The following CTNNA2 variants were observed in gnomAD, a reference collection of about 807,000 sequenced individuals.
The protein encoded by CTNNA2 is catenin alpha 2.
In CTNNA2, 42 loss-of-function variants were observed where a neutral mutation model predicts 101.0. The ratio of observed to expected loss-of-function variants is 0.42; its 90% CI spans 0.32 to 0.54. The LOEUF is 0.54. Among genes scored for constraint, CTNNA2 ranks in the 20% least tolerant of loss-of-function variants. CTNNA2 has a pLI of 0.14. For synonymous variants in CTNNA2, 450 were observed against 456.4 expected (o/e 0.99, Z 0.18); for missense variants, 871 against 1,223.1 (o/e 0.71, Z 4.29).
At chr2:79,562,061 G>T (rs1360467805) in intron 1 of CTNNA2, among the ~76,000 whole-genome samples, 1 of 151,856 alleles carries the variant, frequency 6.6e-6, no homozygotes, top group Non-Finnish European at 1.5e-5. Context: ...ATTTATGCCT[G>T]TATTTTCTTC....
chr2:80,393,063 C>A, intron 7 of CTNNA2, 148 bp from the exon 8 acceptor site: 1 of 550,846 alleles, frequency 1.8e-6, no homozygotes, highest in Non-Finnish European at 3.1e-6. Flanking sequence ...ACTTTAGAGA[C>A]CAAATCATGT....
intron 7 of CTNNA2, among the ~76,000 whole-genome samples, chr2:80,353,102 T>G (rs567216526): frequency 6.6e-6 from 1 of 152,208 alleles, no homozygotes; most frequent in Non-Finnish European, 1.5e-5. Context: ...ACCAAAATGC[T>G]CAGGTCCTAG....
In CTNNA2 at chr2:80,303,626, G is replaced by A; in HGVS notation, c.1057-89585G>A. 1 of 1,614,034 alleles carries A rather than the reference G, an allele frequency of 6.2e-7. No homozygotes were observed. The highest frequency in any genetic ancestry group is 1.7e-5 in the Admixed American group (1 of 60,022). On this transcript the variant is annotated intron_variant, in intron 7 of 18. Transcript: ENST00000402739. This position sits in a 1 kb window ranked among gnomAD's most constrained non-coding sequence, Gnocchi z 7.7. ...GCGCAGGGACAAGCCCAGCAGGCCG[G>A]ACAGGTTGTGGGGCGCCTCGGTGAG... is the stretch of plus-strand genomic sequence containing the variant.
At chr2:79,529,017 A>G (rs1209418563) in intron 1 of CTNNA2, among the ~76,000 whole-genome samples, 1 of 152,216 alleles carries the variant, frequency 6.6e-6, no homozygotes, top group East Asian at 1.9e-4. Context: ...GTAAAACAGA[A>G]TTAGACAAAG....
intron 4 of CTNNA2, among the ~76,000 whole-genome samples, chr2:79,389,511 C>T (rs575812873): frequency 6.6e-6 from 1 of 151,974 alleles, no homozygotes; most frequent in Non-Finnish European, 1.5e-5. Flanking sequence ...ATATTTGTGC[C>T]GAATCAGTAT....
intron 1 of CTNNA2, among the ~76,000 whole-genome samples, chr2:79,539,941 G>A (rs952998298): frequency 2.6e-5 from 4 of 152,062 alleles, no homozygotes; most frequent in African/African-American, 9.7e-5. Flanking sequence ...TTCTTGTCAC[G>A]TGCATTAAGA....
intron 1 of CTNNA2, among the ~76,000 whole-genome samples, chr2:79,535,590 C>A (rs1673008547): frequency 6.6e-6 from 1 of 152,110 alleles, no homozygotes; most frequent in African/African-American, 2.4e-5. Flanking sequence ...AAATTATGCC[C>A]TTCAAAATCA....
intron 8 of CTNNA2, among the ~76,000 whole-genome samples, chr2:80,399,482 C>CTAG (rs1250408020): frequency 1.3e-5 from 2 of 152,288 alleles, no homozygotes; most frequent in South Asian, 2.1e-4. Context: ...AGCAAAGAGT[C>CTAG]TAGTAGCTTG....
chr2:79,290,269 A>G (rs753793529), intron 2 of CTNNA2, among the ~76,000 whole-genome samples: 2 of 152,184 alleles, frequency 1.3e-5, no homozygotes, highest in Non-Finnish European at 2.9e-5. Context: ...GTTGATTAAT[A>G]GAGCATTGGT....
chr2:80,558,715 G>A (rs1693280226), intron 12 of CTNNA2, among the ~76,000 whole-genome samples: 1 of 152,042 alleles, frequency 6.6e-6, no homozygotes, highest in Non-Finnish European at 1.5e-5. Context: ...TACATTGTAG[G>A]GTGAGAGAGG....
chr2:79,844,281 T>C (rs1360317665), intron 3 of CTNNA2, among the ~76,000 whole-genome samples: 1 of 152,182 alleles, frequency 6.6e-6, no homozygotes. Context: ...CCAAAAAGTC[T>C]GAAAATACAG....
intron 7 of CTNNA2, among the ~76,000 whole-genome samples, chr2:80,204,100 G>C (rs538355481): frequency 6.6e-6 from 1 of 152,140 alleles, no homozygotes; most frequent in Non-Finnish European, 1.5e-5. Context: ...CCCTGGGCCC[G>C]GACCACAAAA....
intron 7 of CTNNA2, among the ~76,000 whole-genome samples, chr2:79,933,958 A>G (rs1001327185): frequency 3.3e-5 from 5 of 152,256 alleles, no homozygotes; most frequent in African/African-American, 1.2e-4. Flanking sequence ...TATAAAATTT[A>G]AGGAAGTTCC....
In CTNNA2 at chr2:79,872,023, C is replaced by T. The variant is rs115136366; in HGVS notation, c.586-2053C>T. Among the ~76,000 whole-genome samples, 1,403 of 152,234 alleles carry T rather than the reference C, an allele frequency of 9.2e-3. 24 individuals are homozygous for T. Among genetic ancestry groups the T allele is most frequent in the African/African-American group, 0.031 (1,280 of 41,534 alleles). On this transcript the variant is annotated intron_variant, in intron 5 of 18. Transcript: ENST00000402739. ...GGAAAGGGGAAAAACACATAATACC[C>T]TACCACCCACAAAGAATATGGTGCT...
At chr2:79,267,175 G>A (rs1439037474) in intron 2 of CTNNA2, among the ~76,000 whole-genome samples, 3 of 152,064 alleles carry the variant, frequency 2.0e-5, no homozygotes, top group Non-Finnish European at 4.4e-5. Context: ...ATGGGGAATA[G>A]CAGCCTTCTC....
At chr2:79,747,740 A>G (rs752257098) in intron 3 of CTNNA2, among the ~76,000 whole-genome samples, 1 of 152,222 alleles carries the variant, frequency 6.6e-6, no homozygotes, top group Non-Finnish European at 1.5e-5. Flanking sequence ...ATTTCTACAG[A>G]TGCTAATTTA....
chr2:80,084,772 C>T (rs1191205483), intron 7 of CTNNA2, among the ~76,000 whole-genome samples: 1 of 151,872 alleles, frequency 6.6e-6, no homozygotes, highest in Non-Finnish European at 1.5e-5. Context: ...TGTAAATAAG[C>T]AAAGGAAATG....
chr2:80,490,521 A>G (rs2149516219), intron 9 of CTNNA2, among the ~76,000 whole-genome samples: 1 of 152,272 alleles, frequency 6.6e-6, no homozygotes, highest in African/African-American at 2.4e-5. Context: ...TAACTATTCA[A>G]AAACATAAAA....
At chr2:79,495,794 A>G (rs904037948) in intron 4 of CTNNA2, among the ~76,000 whole-genome samples, 1 of 152,232 alleles carries the variant, frequency 6.6e-6, no homozygotes, top group African/African-American at 2.4e-5. Flanking sequence ...AAGTACCGAT[A>G]CATGATACAG....
Sources: gnomAD v4.1 joint callset for allele counts (sites outside exome capture counted in the v4.1 genomes callset) on GRCh38, gnomAD v4.1.1 for gene constraint, Gnocchi (gnomAD v3.1) non-coding constraint, MANE v1.5 for transcripts, NCBI Gene and HGNC (gene_info 2026-07-23, HGNC 2026-07-21) for gene names.